HOMER2: variants seen among roughly 807,000 people sequenced by gnomAD.
HOMER2 encodes the protein homer scaffold protein 2.
HOMER2 carries 27 observed loss-of-function variants against 47.0 expected under a neutral mutation model. The observed-to-expected ratio is 0.57, with a 90% CI of 0.42 to 0.79. The LOEUF (loss-of-function observed/expected upper bound fraction) is 0.79, where lower values mean the gene tolerates loss of function less well. Among genes scored for constraint, HOMER2 ranks in the 30% least tolerant of loss-of-function variants. The pLI is 0.00. For synonymous variants in HOMER2, 161 were observed against 163.8 expected (o/e 0.98, Z 0.13); for missense variants, 443 against 435.0 (o/e 1.02, Z -0.16).
At chr15:82,841,183 T>C (rs1221971681) in exon 2 of HOMER2, 1 of 152,156 alleles carries the variant, frequency 6.6e-6, no homozygotes, top group Non-Finnish European at 1.5e-5. Flanking sequence ...AAATCTACTA[T>C]GGACCAACCA....
chr15:82,917,559 C>T (rs2053622389), intron 1 of HOMER2, among the ~76,000 whole-genome samples: 1 of 152,212 alleles, frequency 6.6e-6, no homozygotes, highest in Admixed American at 6.5e-5. Flanking sequence ...AAGATCCGCC[C>T]CCGTGGGGAC....
intron 1 of HOMER2, among the ~76,000 whole-genome samples, chr15:82,967,890 C>T (rs79492694): frequency 1.3e-5 from 2 of 151,198 alleles, no homozygotes; most frequent in Non-Finnish European, 3.0e-5. Flanking sequence ...AAAAAAAAAA[C>T]CAAACAAACA....
upstream of HOMER2, among the ~76,000 whole-genome samples, chr15:82,955,871 C>T (rs955462753): frequency 5.9e-5 from 9 of 152,040 alleles, no homozygotes; most frequent in East Asian, 1.9e-4. Context: ...ATATAAGCTA[C>T]GATCTGTGTG....
chr15:82,856,448 T>C (rs569866872), intron 5 of HOMER2, among the ~76,000 whole-genome samples: 4 of 152,042 alleles, frequency 2.6e-5, no homozygotes, highest in Non-Finnish European at 5.9e-5. Context: ...AGACCTCATC[T>C]CTACAAAAAT....
chr15:82,952,701 C>A lies in HOMER2; in HGVS notation c.-166G>T. The stretch of plus-strand genomic sequence containing the variant: ...TGCGCGGCTGCCACTGCTGCCACTG[C>A]CGCCACCGCCGCCAGGCGCGGGCGG... On this transcript the variant is annotated 5_prime_UTR_variant, in exon 1 of 9. Transcript: ENST00000450735. 1 of 983,876 alleles carries A rather than the reference C, an allele frequency of 1.0e-6. No individual in the cohort carries two copies. 60.9% of individuals were successfully genotyped at this position (983,876 alleles called of 1,614,324 possible). A position where few individuals can be genotyped will look rare whatever the true frequency, so the allele number is the denominator to read the frequency against.
At chr15:82,966,400 G>C (rs376356110) in intron 1 of HOMER2, among the ~76,000 whole-genome samples, 4 of 152,154 alleles carry the variant, frequency 2.6e-5, no homozygotes, top group Non-Finnish European at 5.9e-5. Flanking sequence ...GAATAAAAGG[G>C]GGGGAAAGAA....
intron 1 of HOMER2, among the ~76,000 whole-genome samples, chr15:82,918,411 C>T (rs2053643848): frequency 6.6e-6 from 1 of 152,134 alleles, no homozygotes. Context: ...GCCCACGGGA[C>T]AGGATACCAC....
chr15:82,957,109 T>C (rs2054594138), upstream of HOMER2, among the ~76,000 whole-genome samples: 1 of 152,128 alleles, frequency 6.6e-6, no homozygotes, highest in Non-Finnish European at 1.5e-5. Flanking sequence ...AAACCCTGTC[T>C]CTACTGAAAA....
Position 82,952,671 on chromosome 15 carries a change from G to A in HOMER2, c.-136C>T, listed in dbSNP as rs1240560065. On this transcript the variant is annotated 5_prime_UTR_variant, in exon 1 of 9. Transcript: ENST00000450735. ...CAGCCCCGGCGCCGCTCCATTCCGC[G>A]GGGCTGCGCGGCTGCCACTGCTGCC... is the stretch of plus-strand genomic sequence containing the variant. 1.0e-6 allele frequency: 1 copy of A among 995,056 alleles called. No individual in the cohort carries two copies. Among genetic ancestry groups the A allele is most frequent in the Non-Finnish European group, 1.2e-6 (1 of 837,742 alleles). 61.6% of individuals were successfully genotyped at this position (995,056 alleles called of 1,614,324 possible). A position where few individuals can be genotyped will look rare whatever the true frequency, so the allele number is the denominator to read the frequency against.
intron 2 of HOMER2, among the ~76,000 whole-genome samples, chr15:82,881,819 G>T (rs1299111874): frequency 6.6e-6 from 1 of 152,172 alleles, no homozygotes; most frequent in Non-Finnish European, 1.5e-5. Context: ...TGACCTCTAA[G>T]GTCTCTTCCA....
intron 2 of HOMER2, among the ~76,000 whole-genome samples, chr15:82,891,685 G>C (rs1389122135): frequency 6.6e-6 from 1 of 152,192 alleles, no homozygotes; most frequent in Non-Finnish European, 1.5e-5. Context: ...CTAGACTGCA[G>C]GTAGGAGATG....
chr15:82,891,679 A>C (rs2052710718), intron 2 of HOMER2, among the ~76,000 whole-genome samples: 1 of 152,128 alleles, frequency 6.6e-6, no homozygotes, highest in Non-Finnish European at 1.5e-5. Context: ...GTCAGACTAG[A>C]CTGCAGGTAG....
chr15:82,865,271 G>C (rs887138641), intron 3 of HOMER2, among the ~76,000 whole-genome samples: 1 of 152,200 alleles, frequency 6.6e-6, no homozygotes, highest in African/African-American at 2.4e-5. Flanking sequence ...ACGAGGTCCA[G>C]CAGGGATGCA....
Position 82,858,902 on chromosome 15 carries a change from A to G in HOMER2, c.494+127T>C, listed in dbSNP as rs1409138392. On this transcript the variant is annotated intron_variant, in intron 5 of 8. Coordinates refer to ENST00000450735, the MANE Select transcript of HOMER2 (RefSeq NM_004839.4). ...CTGGCCTTCCTTTCACCAGGAGACAAGAGTGGATGCTCTAAGCAGGTCCCA... is the reference window on the plus strand; with the variant it reads ...CTGGCCTTCCTTTCACCAGGAGACAGGAGTGGATGCTCTAAGCAGGTCCCA... The G allele has an allele frequency of 7.3e-6, 8 of 1,092,372 alleles. No individual in the cohort carries two copies. In the Admixed American group the frequency reaches 1.7e-4, roughly 23 times the overall value. The allele number at this position is 1,092,372 out of a possible 1,614,324, so 67.7% of individuals were successfully genotyped here. A position where few individuals can be genotyped will look rare whatever the true frequency, so the allele number is the denominator to read the frequency against.
intron 3 of HOMER2, among the ~76,000 whole-genome samples, chr15:82,869,538 A>G (rs1454670695): frequency 1.5e-5 from 2 of 130,602 alleles, no homozygotes; most frequent in Admixed American, 1.9e-4. Flanking sequence ...GCTCACTGCA[A>G]CCTCTGCCTC....
intron 1 of HOMER2, among the ~76,000 whole-genome samples, chr15:82,948,219 G>A (rs959414969): frequency 1.3e-4 from 20 of 152,008 alleles, no homozygotes; most frequent in Non-Finnish European, 2.5e-4. Context: ...ATGAAACCCC[G>A]TCTCTACTAA....
At chr15:82,909,386 A>G (rs1178480771) in intron 1 of HOMER2, among the ~76,000 whole-genome samples, 1 of 152,176 alleles carries the variant, frequency 6.6e-6, no homozygotes, top group Non-Finnish European at 1.5e-5. Context: ...CCTGTTGGCT[A>G]GGGTTGGACT....
upstream of HOMER2, chr15:82,986,076 A>T: frequency 2.0e-6 from 2 of 985,526 alleles, no homozygotes; most frequent in Non-Finnish European, 2.4e-6. Flanking sequence ...CTACTTGCCC[A>T]CACCTCATCG....
intron 1 of HOMER2, among the ~76,000 whole-genome samples, chr15:82,923,486 CAAA>C (rs555074000): frequency 3.6e-5 from 2 of 56,314 alleles, no homozygotes; most frequent in African/African-American, 6.9e-5. Flanking sequence ...GAGTCCGTCT[CAAA>C]AAAAAAAAAA....
Sources: allele counts gnomAD v4.1 joint callset (sites outside exome capture counted in the v4.1 genomes callset), GRCh38; gene constraint gnomAD v4.1.1; transcripts MANE v1.5; gene names NCBI Gene and HGNC (gene_info 2026-07-23, HGNC 2026-07-21).